Variants in GSK3B observed in about 807,000 individuals in gnomAD.
The protein encoded by GSK3B is glycogen synthase kinase-3 beta.
A neutral mutation model predicts 56.4 loss-of-function variants in GSK3B; 15 were observed. That is an observed-to-expected ratio of 0.27 (90% CI 0.18 to 0.41). The LOEUF is 0.41. Among genes scored for constraint, GSK3B ranks in the 10% least tolerant of loss-of-function variants. The pLI is 1.00. For synonymous variants in GSK3B, 181 were observed against 188.9 expected, an observed-to-expected ratio of 0.96 and a Z score of 0.34; for missense variants, 300 against 513.4, an observed-to-expected ratio of 0.58 and a Z score of 4.02.
chr3:119,907,708 A>G (rs1322728935), intron 6 of GSK3B, among the ~76,000 whole-genome samples: 1 of 152,220 alleles, frequency 6.6e-6, no homozygotes, highest in African/African-American at 2.4e-5. Context: ...TGATCTTTCA[A>G]GACCATCTAG....
rs56939160 is a variant in GSK3B, at chr3:119,940,110, T to TTGTGTGTG, written c.366+7150_366+7157dup. Reference sequence around the variant, plus strand: ...CAGTAACAAAAGTGTGTGTGTGTGTTTGTGTGTGTGTGTGTGTGTGTGTAT... The same window carrying TTGTGTGTG: ...CAGTAACAAAAGTGTGTGTGTGTGTTTGTGTGTGTGTGTGTGTGTGTGTGTGTGTGTAT... On this transcript the variant is annotated intron_variant, in intron 3 of 10. Coordinates refer to ENST00000264235, the MANE Select transcript of GSK3B (RefSeq NM_001146156.2). 2.2e-3 allele frequency among the ~76,000 whole-genome samples: 335 copies of TTGTGTGTG among 149,048 alleles called. 1 individual carries two copies. The highest frequency in any genetic ancestry group is 7.7e-3 in the African/African-American group (313 of 40,866).
chr3:120,079,344 ACACACATTT>A (rs754332283), intron 1 of GSK3B, among the ~76,000 whole-genome samples: 7,582 of 125,390 alleles, frequency 0.06, 183 homozygotes, highest in South Asian at 0.11. Context: ...ACACACACAC[ACACACATTT>A]TTTTTTTTAA....
chr3:120,073,299 G>GT (rs1339712956), intron 1 of GSK3B, among the ~76,000 whole-genome samples: 1 of 150,306 alleles, frequency 6.7e-6, no homozygotes, highest in Non-Finnish European at 1.5e-5. Flanking sequence ...TGATGCAAGA[G>GT]TATCACCTGA....
intron 6 of GSK3B, among the ~76,000 whole-genome samples, chr3:119,910,419 A>G (rs957457761): frequency 1.5e-4 from 23 of 152,194 alleles, no homozygotes; most frequent in Admixed American, 8.5e-4. Context: ...TATTACTTGT[A>G]TAATAGAATT....
chr3:119,941,501 T>C (rs948740867), intron 3 of GSK3B, among the ~76,000 whole-genome samples: 7 of 152,214 alleles, frequency 4.6e-5, no homozygotes, highest in African/African-American at 1.7e-4. Context: ...CATTTAGTAG[T>C]TGTATGGTAA....
Position 119,905,673 on chromosome 3 carries a change from G to A in GSK3B, c.813+82C>T, listed in dbSNP as rs191885433. ...GCTTCCTCCATTTTTTAAGTTTCTC[G>A]TATGTGTACATGTGTGATATATATT... On this transcript the variant is annotated intron_variant, in intron 7 of 10. Transcript: ENST00000264235. The A allele has an allele frequency of 1.0e-4, 81 of 783,362 alleles. No homozygotes were observed. In the African/African-American group the frequency reaches 1.1e-3, roughly 10 times the overall value. 48.5% of individuals were successfully genotyped at this position (783,362 alleles called of 1,614,324 possible).
At chr3:120,092,572 G>A (rs1372960982) in intron 1 of GSK3B, among the ~76,000 whole-genome samples, 1 of 152,132 alleles carries the variant, frequency 6.6e-6, no homozygotes, top group African/African-American at 2.4e-5. Context: ...TCAAAACTTG[G>A]ACCTATTAAT....
chr3:120,024,542 A>G (rs2057907881), intron 1 of GSK3B, among the ~76,000 whole-genome samples: 1 of 151,688 alleles, frequency 6.6e-6, no homozygotes, highest in Non-Finnish European at 1.5e-5. Flanking sequence ...TTCTCTGAAA[A>G]CCTCCTTCCC....
At chr3:120,028,768 G>T in intron 1 of GSK3B, 1 of 474,046 alleles carries the variant, frequency 2.1e-6, no homozygotes, top group Non-Finnish European at 4.1e-6. Context: ...GCAGAGAGAG[G>T]TTGGGGCAGC....
intron 6 of GSK3B, among the ~76,000 whole-genome samples, chr3:119,907,352 A>G (rs767811794): frequency 2.0e-5 from 3 of 152,160 alleles, no homozygotes; most frequent in Non-Finnish European, 4.4e-5. Flanking sequence ...AATATGGAAG[A>G]CAAAAAGTAA....
intron 3 of GSK3B, among the ~76,000 whole-genome samples, chr3:119,945,274 C>G (rs562614183): frequency 6.6e-5 from 10 of 152,228 alleles, no homozygotes; most frequent in African/African-American, 1.9e-4. Flanking sequence ...TTTAATGAAG[C>G]TATCCCAAAA....
chr3:119,861,608 T>C (rs1358721854), intron 9 of GSK3B, among the ~76,000 whole-genome samples: 1 of 151,732 alleles, frequency 6.6e-6, no homozygotes, highest in Non-Finnish European at 1.5e-5. Flanking sequence ...TGTGTCTTTA[T>C]TGCATAGAAA....
At chr3:119,876,615 AAAATACGT>A (rs1252086909) in intron 7 of GSK3B, 107 bp from the exon 8 acceptor site, 1 of 673,122 alleles carries the variant, frequency 1.5e-6, no homozygotes, top group Non-Finnish European at 2.7e-6. Context: ...CAAGTTAAAT[AAAATACGT>A]AACTCATTAA....
intron 2 of GSK3B, among the ~76,000 whole-genome samples, chr3:119,994,567 G>T (rs535165685): frequency 1.9e-4 from 29 of 152,184 alleles, no homozygotes; most frequent in Admixed American, 1.2e-3. Flanking sequence ...CTAAGTGATA[G>T]AAGTGAATAT....
intron 1 of GSK3B, among the ~76,000 whole-genome samples, chr3:120,080,421 T>C (rs998091381): frequency 2.8e-4 from 43 of 152,028 alleles, no homozygotes; most frequent in Non-Finnish European, 7.4e-5. Context: ...TATTTAGCAA[T>C]AGAAACCCTA....
At chr3:119,838,513 C>T (rs2055726720) in intron 10 of GSK3B, among the ~76,000 whole-genome samples, 1 of 152,160 alleles carries the variant, frequency 6.6e-6, no homozygotes, top group Non-Finnish European at 1.5e-5. Context: ...TCCCTATCCA[C>T]ATGAAAATAC....
At chr3:119,932,168 T>G (rs1284317376) in intron 3 of GSK3B, among the ~76,000 whole-genome samples, 1 of 152,346 alleles carries the variant, frequency 6.6e-6, no homozygotes, top group Middle Eastern at 3.4e-3. Flanking sequence ...AAAAATCTGA[T>G]GTAATGCAAT....
At chr3:119,962,173 C>T (rs1201234630) in intron 2 of GSK3B, among the ~76,000 whole-genome samples, 17 of 151,978 alleles carry the variant, frequency 1.1e-4, no homozygotes, top group South Asian at 2.1e-4. Context: ...GTCGGGAGTT[C>T]GAGACCAGCC....
At chr3:119,844,991 G>A (rs576853391) in intron 9 of GSK3B, among the ~76,000 whole-genome samples, 5 of 152,316 alleles carry the variant, frequency 3.3e-5, no homozygotes, top group African/African-American at 1.2e-4. Context: ...TCCCTGGGAT[G>A]AAAGGCTGGT....
Sources: allele counts gnomAD v4.1 joint callset (sites outside exome capture counted in the v4.1 genomes callset), GRCh38; gene constraint gnomAD v4.1.1; transcripts MANE v1.5; gene names NCBI Gene and HGNC (gene_info 2026-07-23, HGNC 2026-07-21).